Variants in MTNR1A observed in about 807,000 individuals in gnomAD.
The protein encoded by MTNR1A is melatonin receptor type 1A.
MTNR1A carries 7 observed loss-of-function variants against 5.5 expected under a neutral mutation model. The observed-to-expected ratio is 1.28, with a 90% CI of 0.73 to 2.40. The LOEUF (loss-of-function observed/expected upper bound fraction) is 2.40. Ranked by LOEUF, MTNR1A falls within the 30% of genes most tolerant of loss-of-function variation. The pLI is 0.00. For synonymous variants in MTNR1A, 196 were observed against 202.7 expected, an observed-to-expected ratio of 0.97 and a Z score of 0.28; for missense variants, 441 against 464.4, an observed-to-expected ratio of 0.95 and a Z score of 0.46.
In MTNR1A at chr4:186,533,745, A is replaced by G. The variant is rs2111361414; in HGVS notation, c.997T>C (p.Trp333Arg). The change falls in exon 2 of 2, where the codon TGG becomes CGG. Residue 333 changes from tryptophan (W) to arginine (R), a missense_variant. Physicochemically the swap from Trp to Arg is moderately radical, Grantham distance 101. Transcript: ENST00000307161. Reference protein sequence around the residue: ...SSNDVADRVKWKPSPLMTNNN... With the variant: ...SSNDVADRVKRKPSPLMTNNN... The stretch of plus-strand genomic sequence containing the variant: ...TTGGTCATCAGTGGAGACGGTTTCC[A>G]TTTAACCCTATCGGCCACGTCGTTA... 1.2e-6 allele frequency: 2 copies of G among 1,614,226 alleles called. No individual in the cohort carries two copies. The highest frequency in any genetic ancestry group is 1.3e-5 in the African/African-American group (1 of 75,048).
intron 1 of MTNR1A, among the ~76,000 whole-genome samples, chr4:186,542,322 C>T (rs1737043528): frequency 6.6e-6 from 1 of 152,166 alleles, no homozygotes; most frequent in Admixed American, 6.5e-5. Context: ...CTTTTCAGGC[C>T]CTTAAATCTT....
At chr4:186,549,753 G>C (rs1264359799) in intron 1 of MTNR1A, among the ~76,000 whole-genome samples, 1 of 152,132 alleles carries the variant, frequency 6.6e-6, no homozygotes, top group African/African-American at 2.4e-5. Context: ...AGCCGCGTTT[G>C]ACCCACGCTT....
Position 186,534,107 on chromosome 4 carries a change from A to G in MTNR1A, c.635T>C (p.Ile212Thr), listed in dbSNP as rs7654853. Reference protein sequence around the residue: ...IVIFCYLRIWILVLQVRQRVK... With the variant: ...IVIFCYLRIWTLVLQVRQRVK... Reference sequence around the variant, plus strand: ...CCTCTGTCTGACCTGGAGAACCAGGATCCATATTCTCAGGTAACAGAAGAT... The same window carrying G: ...CCTCTGTCTGACCTGGAGAACCAGGGTCCATATTCTCAGGTAACAGAAGAT... Residue 212 changes from isoleucine (I) to threonine (T), a missense_variant, in exon 2 of 2, where the codon ATC becomes ACC. By Grantham distance (89) the Ile-to-Thr change is moderately conservative (BLOSUM62 -1). Coordinates refer to ENST00000307161, the MANE Select transcript of MTNR1A (RefSeq NM_005958.4). 3.3e-3 allele frequency: 5,290 copies of G among 1,614,154 alleles called. 134 individuals carry two copies. The African/African-American group carries it at 0.063, about 19-fold the overall frequency.
chr4:186,534,329 A>G lies in MTNR1A; in HGVS notation c.413T>C (p.Leu138Pro), dbSNP rs568819396. 1.2e-5 allele frequency: 19 copies of G among 1,614,098 alleles called. No individual in the cohort carries two copies. The Middle Eastern group carries it at 2.1e-3, about 182-fold the overall frequency. ...YICHSLKYDKLYSSKNSLCYV... is the reference protein window; with the variant it reads ...YICHSLKYDKPYSSKNSLCYV... The stretch of plus-strand genomic sequence containing the variant: ...GCAGAGGGAGTTCTTGCTGCTGTAC[A>G]GTTTGTCGTACTTGAGACTGTGGCA... The change falls in exon 2 of 2, where the codon CTG becomes CCG. Residue 138 changes from leucine to proline, a missense_variant. By Grantham distance (98) the Leu-to-Pro change is moderately conservative. Transcript: ENST00000307161.
intron 1 of MTNR1A, among the ~76,000 whole-genome samples, chr4:186,547,382 C>T (rs1211909540): frequency 6.6e-6 from 1 of 151,982 alleles, no homozygotes; most frequent in Non-Finnish European, 1.5e-5. Flanking sequence ...GTCCACACCA[C>T]ACCCTGTTCG....
At chr4:186,546,166 A>G (rs937764621) in intron 1 of MTNR1A, among the ~76,000 whole-genome samples, 1 of 152,146 alleles carries the variant, frequency 6.6e-6, no homozygotes. Flanking sequence ...CTTCCTTTGC[A>G]GGATTATTCA....
chr4:186,546,220 T>C (rs1737137656), intron 1 of MTNR1A, among the ~76,000 whole-genome samples: 1 of 152,118 alleles, frequency 6.6e-6, no homozygotes, highest in Non-Finnish European at 1.5e-5. Context: ...ACCACACGTC[T>C]TGCTTCACGG....
chr4:186,544,754 GC>G (rs1349104700), intron 1 of MTNR1A, among the ~76,000 whole-genome samples: 1 of 152,186 alleles, frequency 6.6e-6, no homozygotes, highest in Non-Finnish European at 1.5e-5. Flanking sequence ...CATTACCACA[GC>G]AAGCCTGGGC....
At chr4:186,536,226 A>T (rs962736391) in intron 1 of MTNR1A, among the ~76,000 whole-genome samples, 2 of 151,972 alleles carry the variant, frequency 1.3e-5, no homozygotes, top group African/African-American at 2.4e-5. Flanking sequence ...GGCACCTGTA[A>T]TCCCAACTAC....
Position 186,544,051 on chromosome 4 carries a change from C to T in MTNR1A, c.185-9494G>A, listed in dbSNP as rs530268949. Among the ~76,000 whole-genome samples, 123 of 152,214 alleles carry T rather than the reference C, an allele frequency of 8.1e-4. 1 individual carries two copies. The South Asian group carries it at 0.019, about 23-fold the overall frequency. On this transcript the variant is annotated intron_variant, in intron 1 of 1. Coordinates refer to ENST00000307161, the MANE Select transcript of MTNR1A (RefSeq NM_005958.4). ...TTGAGATGGAGTCTGGCTCTGTCAC[C>T]AGGCTGGAATGCAGTGGTGTTATCT...
At chr4:186,540,592 A>G (rs1477372382) in intron 1 of MTNR1A, among the ~76,000 whole-genome samples, 1 of 152,242 alleles carries the variant, frequency 6.6e-6, no homozygotes, top group Admixed American at 6.5e-5. Flanking sequence ...CCAAGTGACC[A>G]TGTGATCTGA....
At chr4:186,547,748 G>T (rs192532154) in intron 1 of MTNR1A, among the ~76,000 whole-genome samples, 316 of 152,234 alleles carry the variant, frequency 2.1e-3, no homozygotes, top group Non-Finnish European at 4.2e-3. Flanking sequence ...ACTTTACATT[G>T]TACACTGTAT....
rs1329043422 is a variant in MTNR1A at position 186,555,386 on chromosome 4, C to T, written c.-21G>A. 1.3e-5 allele frequency: 18 copies of T among 1,401,178 alleles called. No individual in the cohort carries two copies. The highest frequency in any genetic ancestry group is 1.6e-5 in the Non-Finnish European group (17 of 1,075,338). 86.8% of individuals were successfully genotyped at this position (1,401,178 alleles called of 1,614,324 possible). A position where few individuals can be genotyped will look rare whatever the true frequency, so the allele number is the denominator to read the frequency against. On this transcript the variant is annotated 5_prime_UTR_variant, in exon 1 of 2. Coordinates refer to ENST00000307161, the MANE Select transcript of MTNR1A (RefSeq NM_005958.4). This position sits in a 1 kb window ranked among gnomAD's most constrained non-coding sequence, Gnocchi z 4.1. ...TGCATGGTCCCTGTGCGCGTCCCGG[C>T]CGCGGGGCCATCGCCCGCCTCGTCC...
intron 1 of MTNR1A, among the ~76,000 whole-genome samples, chr4:186,540,146 T>C (rs1039075154): frequency 3.9e-5 from 6 of 152,154 alleles, no homozygotes; most frequent in African/African-American, 1.2e-4. Context: ...GCTTATTCAC[T>C]ATCTCGAGAA....
At chr4:186,541,001 T>A (rs1333919106) in intron 1 of MTNR1A, among the ~76,000 whole-genome samples, 1 of 151,854 alleles carries the variant, frequency 6.6e-6, no homozygotes, top group African/African-American at 2.4e-5. Flanking sequence ...CTCCGGCAGC[T>A]CCTGAAGGCA....
chr4:186,543,314 G>T (rs186170285), intron 1 of MTNR1A, among the ~76,000 whole-genome samples: 1 of 152,194 alleles, frequency 6.6e-6, no homozygotes, highest in Non-Finnish European at 1.5e-5. Context: ...CATGCCCTGG[G>T]ATTGAAGCCA....
Position 186,549,020 on chromosome 4 carries a change from C to T in MTNR1A, c.184+6162G>A, listed in dbSNP as rs189070554. The stretch of plus-strand genomic sequence containing the variant: ...ATAAAAGGAAAAAATGGAATGAAAA[C>T]TAACTGGCAAAAAATCTTAAAAGTA... On this transcript the variant is annotated intron_variant, in intron 1 of 1. Coordinates refer to ENST00000307161, the MANE Select transcript of MTNR1A (RefSeq NM_005958.4). Among the ~76,000 whole-genome samples the T allele has an allele frequency of 6.3e-3, 958 of 151,398 alleles. 7 individuals are homozygous for T. Among genetic ancestry groups the T allele is most frequent in the Admixed American group, 0.012 (188 of 15,214 alleles).
chr4:186,542,406 G>A (rs1737046174), intron 1 of MTNR1A, among the ~76,000 whole-genome samples: 1 of 152,130 alleles, frequency 6.6e-6, no homozygotes, highest in Non-Finnish European at 1.5e-5. Flanking sequence ...CGTTGCTTTT[G>A]ACTAAGGAAT....
At position 186,555,375 on chromosome 4, in the gene MTNR1A, G is replaced by C. The variant is rs1167871114; in HGVS notation, c.-10C>G. The C allele has an allele frequency of 1.4e-6, 2 of 1,425,632 alleles. No individual in the cohort carries two copies. The highest frequency in any genetic ancestry group is 5.8e-5 in the Admixed American group (2 of 34,574). 88.3% of individuals were successfully genotyped at this position (1,425,632 alleles called of 1,614,324 possible). ...TGCCGTTGCCCTGCATGGTCCCTGT[G>C]CGCGTCCCGGCCGCGGGGCCATCGC... On this transcript the variant is annotated 5_prime_UTR_variant, in exon 1 of 2. Coordinates refer to ENST00000307161, the MANE Select transcript of MTNR1A (RefSeq NM_005958.4). This position sits in a 1 kb window ranked among gnomAD's most constrained non-coding sequence, Gnocchi z 4.1.
Sources: gnomAD v4.1 joint callset for allele counts (sites outside exome capture counted in the v4.1 genomes callset) on GRCh38, gnomAD v4.1.1 for gene constraint, Gnocchi (gnomAD v3.1) non-coding constraint, MANE v1.5 for transcripts, NCBI Gene and HGNC (gene_info 2026-07-23, HGNC 2026-07-21) for gene names.